Variants in PLEKHA4 observed in about 807,000 individuals in gnomAD.
The protein encoded by PLEKHA4 is pleckstrin homology domain containing A4.
In PLEKHA4, 73 loss-of-function variants were observed where a neutral mutation model predicts 94.7. The ratio of observed to expected loss-of-function variants is 0.77; its 90% confidence interval spans 0.64 to 0.94. The LOEUF (loss-of-function observed/expected upper bound fraction) is 0.94, where lower values mean the gene tolerates loss of function less well. Among genes scored for constraint, PLEKHA4 ranks in the 40% least tolerant of loss-of-function variants. The pLI is 0.00. For missense variants in PLEKHA4, 1,049 were observed against 1,054.1 expected, an observed-to-expected ratio of 1.00 and a Z score of 0.07; for synonymous variants, 449 against 437.1, an observed-to-expected ratio of 1.03 and a Z score of -0.34.
chr19:48,843,485 CTTTTTTT>C (rs879702341), intron 16 of PLEKHA4, among the ~76,000 whole-genome samples: 2 of 141,806 alleles, frequency 1.4e-5, no homozygotes, highest in Middle Eastern at 3.5e-3. Flanking sequence ...GGTCTTTTTT[CTTTTTTT>C]TTTTTAAAGA....
intron 16 of PLEKHA4, among the ~76,000 whole-genome samples, chr19:48,842,076 TGAGTCCTGTTTATATAA>T (rs1431139376): frequency 1.3e-5 from 2 of 152,122 alleles, no homozygotes; most frequent in Non-Finnish European, 2.9e-5. Flanking sequence ...TGACCAATCC[TGAGTCCTGTTTATATAA>T]ATGATGGCCA....
At chr19:48,842,037 A>T (rs1599867481) in intron 16 of PLEKHA4, among the ~76,000 whole-genome samples, 1 of 152,330 alleles carries the variant, frequency 6.6e-6, no homozygotes, top group Non-Finnish European at 1.5e-5. Context: ...TGCTTATTGT[A>T]GAACCAGTCC....
In PLEKHA4 at chr19:48,854,039, G is replaced by A. The variant is rs2036306470; in HGVS notation, c.1144C>T (p.Gln382Ter). 1 of 1,613,996 alleles carries A rather than the reference G, an allele frequency of 6.2e-7. No individual in the cohort carries two copies. Among genetic ancestry groups the A allele is most frequent in the South Asian group, 1.1e-5 (1 of 91,092 alleles). The change falls in exon 11 of 20, where the codon CAG (glutamine) becomes TAG (stop). Residue 382 changes from glutamine (Q) to a stop codon, truncating the protein, a stop_gained. Transcript: ENST00000263265. LOFTEE classifies it high-confidence loss of function. ...CGQDRLLRRL[Q>*]EEIDQKQEEK... is the part of the protein sequence containing the mutation. The stretch of plus-strand genomic sequence containing the variant: ...TCCTGCTTCTGGTCTATCTCCTCCT[G>A]CAGCCTCCGCAGAAGCCGGTCCTGC...
Position 48,858,849 on chromosome 19 carries a change from T to G in PLEKHA4, c.972+11A>C. 6.2e-7 allele frequency: 1 copy of G among 1,613,166 alleles called. No homozygotes were observed. The highest frequency in any genetic ancestry group is 8.5e-7 in the Non-Finnish European group (1 of 1,179,730). The stretch of plus-strand genomic sequence containing the variant: ...GAAACGTAGTCCCCTCCTTCTCACC[T>G]CTCTGCTCACCTGTGTTCTGGGCTC... On this transcript the variant is annotated intron_variant, in intron 8 of 19. Transcript: ENST00000263265.
intron 9 of PLEKHA4, 33 bp from the exon 10 acceptor site, chr19:48,854,297 G>A (rs1030090734): frequency 6.3e-7 from 1 of 1,595,134 alleles, no homozygotes; most frequent in African/African-American, 1.3e-5. Context: ...GGGGTCAAAG[G>A]GGACAGGCTG....
intron 9 of PLEKHA4, 112 bp from the exon 10 acceptor site, chr19:48,854,376 T>G: frequency 1.1e-6 from 1 of 939,484 alleles, no homozygotes; most frequent in Non-Finnish European, 1.6e-6. Context: ...ATTTATTTAT[T>G]TATTTATTTA....
At chr19:48,864,327 C>T (rs182417050) in intron 3 of PLEKHA4, among the ~76,000 whole-genome samples, 7 of 152,032 alleles carry the variant, frequency 4.6e-5, no homozygotes, top group African/African-American at 7.2e-5. Flanking sequence ...CAAGCTGGCC[C>T]GGCTAATTTT....
At chr19:48,849,953 C>T (rs1162031709) in intron 13 of PLEKHA4, among the ~76,000 whole-genome samples, 1 of 152,180 alleles carries the variant, frequency 6.6e-6, no homozygotes, top group Non-Finnish European at 1.5e-5. Context: ...TAGCTCATGC[C>T]TATAATCCCA....
Position 48,859,152 on chromosome 19 carries a change from G to C in PLEKHA4, c.693-13C>G. 1 of 1,517,660 alleles carries C rather than the reference G, an allele frequency of 6.6e-7. No homozygotes were observed. The highest frequency in any genetic ancestry group is 8.8e-7 in the Non-Finnish European group (1 of 1,134,916). The allele number at this position is 1,517,660 out of a possible 1,614,324, so 94.0% of individuals were successfully genotyped here. On this transcript the variant is annotated splice_polypyrimidine_tract_variant and intron_variant, in intron 7 of 19. Coordinates refer to ENST00000263265, the MANE Select transcript of PLEKHA4 (RefSeq NM_020904.3). ...GGGGGTGAACAGGCTGTGGGAAGGA[G>C]AGAATCGGGGAACTGAGTCAACTAG... is the stretch of plus-strand genomic sequence containing the variant.
chr19:48,845,620 C>A lies in PLEKHA4; in HGVS notation c.1567-4G>T, dbSNP rs555571700. 6.4e-7 allele frequency: 1 copy of A among 1,556,482 alleles called. No homozygotes were observed. The highest frequency in any genetic ancestry group is 8.7e-7 in the Non-Finnish European group (1 of 1,152,592). ...GTTCCAAGGACTCTGGCAGGCTCTG[C>A]GGGGATTAGAAAAGGGGGATAATGA... is the stretch of plus-strand genomic sequence containing the variant. On this transcript the variant is annotated splice_region_variant and splice_polypyrimidine_tract_variant and intron_variant, in intron 14 of 19. Coordinates refer to ENST00000263265, the MANE Select transcript of PLEKHA4 (RefSeq NM_020904.3).
chr19:48,837,493 G>A lies in PLEKHA4; in HGVS notation c.2136C>T (p.Asp712=). 6.2e-7 allele frequency: 1 copy of A among 1,613,010 alleles called. No homozygotes were observed. The highest frequency in any genetic ancestry group is 8.5e-7 in the Non-Finnish European group (1 of 1,179,578). The change falls in exon 20 of 20, where the codon GAC becomes GAT. Residue 712 remains aspartate (D), a synonymous_variant. Coordinates refer to ENST00000263265, the MANE Select transcript of PLEKHA4 (RefSeq NM_020904.3). This position sits in a 1 kb window ranked among gnomAD's most constrained non-coding sequence, Gnocchi z 4.3. ...GGGGAGGGGTCTCCTGGCGCGTGGG[G>A]TCCGAAGGAGGCAGCGGCACACCGG... ...PLPGVPLPPS[D]PTRQETPPPR... is the part of the protein sequence containing the mutation.
intron 5 of PLEKHA4, 125 bp downstream of exon 5, chr19:48,861,276 A>G: frequency 1.2e-6 from 1 of 838,586 alleles, no homozygotes; most frequent in Non-Finnish European, 2.0e-6. Flanking sequence ...GCTTGTCAAG[A>G]CCTTTTATCT....
intron 10 of PLEKHA4, 63 bp downstream of exon 10, chr19:48,854,154 C>T: frequency 1.2e-6 from 2 of 1,612,686 alleles, no homozygotes; most frequent in Non-Finnish European, 1.7e-6. Context: ...CTCCTCCCAT[C>T]ATCTAGAACA....
At chr19:48,860,855 A>G (rs112284218) in intron 5 of PLEKHA4, among the ~76,000 whole-genome samples, 58 of 151,802 alleles carry the variant, frequency 3.8e-4, no homozygotes, top group African/African-American at 1.2e-3. Flanking sequence ...GAGAGAGAAA[A>G]AAAAAGGAAA....
chr19:48,849,175 G>A (rs1210125664), intron 13 of PLEKHA4, among the ~76,000 whole-genome samples: 1 of 152,110 alleles, frequency 6.6e-6, no homozygotes, highest in African/African-American at 2.4e-5. Context: ...TAAAGTGCTG[G>A]GATTACAGGT....
Position 48,852,237 on chromosome 19 carries a change from A to T in PLEKHA4, c.1416T>A (p.Gly472=). ...RETLEYLLHL[G]SPQDRVSAQQ... ...CCAAGCAGCGATTTACCTGGGGAGA[A>T]CCAAGGTGCAGCAGGTACTCCAGCG... Residue 472 remains glycine, a synonymous_variant, in exon 13 of 20, where the codon GGT becomes GGA. Coordinates refer to ENST00000263265, the MANE Select transcript of PLEKHA4 (RefSeq NM_020904.3). The T allele has an allele frequency of 6.2e-7, 1 of 1,613,762 alleles. No homozygotes were observed. Among genetic ancestry groups the T allele is most frequent in the Non-Finnish European group, 8.5e-7 (1 of 1,179,738 alleles).
chr19:48,868,446 TTCTCTC>T lies in PLEKHA4; in HGVS notation c.-376_-371del, dbSNP rs59261648. 0.25 allele frequency: 37,323 copies of T among 149,454 alleles called. 6,172 individuals are homozygous for T. Among genetic ancestry groups the T allele is most frequent in the African/African-American group, 0.48 (19,703 of 40,696 alleles). 9.3% of individuals were successfully genotyped at this position (149,454 alleles called of 1,614,324 possible). A position where few individuals can be genotyped will look rare whatever the true frequency, so the allele number is the denominator to read the frequency against. On this transcript the variant is annotated 5_prime_UTR_variant, in exon 1 of 20. Transcript: ENST00000263265. ...GTCTCTTCCTTAAGTCTCTGTCTCA[TTCTCTC>T]TCTCTCTCTCTCTCTGTCTCTCAGT...
chr19:48,845,721 G>A, intron 14 of PLEKHA4, 105 bp from the exon 15 acceptor site: 1 of 1,013,760 alleles, frequency 9.9e-7, no homozygotes, highest in African/African-American at 1.6e-5. Flanking sequence ...ATAGGATTCA[G>A]ACCATAAACC....
At chr19:48,847,022 C>T (rs1352840391) in intron 14 of PLEKHA4, among the ~76,000 whole-genome samples, 3 of 152,156 alleles carry the variant, frequency 2.0e-5, no homozygotes, top group Non-Finnish European at 4.4e-5. Context: ...GCTGGGATTA[C>T]AGGTGTGCAC....
Sources: allele counts gnomAD v4.1 joint callset (sites outside exome capture counted in the v4.1 genomes callset), GRCh38; gene constraint gnomAD v4.1.1; non-coding constraint Gnocchi (gnomAD v3.1); transcripts MANE v1.5; gene names NCBI Gene and HGNC (gene_info 2026-07-23, HGNC 2026-07-21).